The following PCDH15 variants were observed in gnomAD, a reference collection of about 807,000 sequenced individuals.
The protein encoded by PCDH15 is protocadherin related 15.
Under a neutral mutation model 178.5 loss-of-function variants are expected in PCDH15, and 129 were observed. The ratio of observed to expected loss-of-function variants is 0.72; its 90% CI spans 0.63 to 0.84. The LOEUF is 0.84. PCDH15 is among the 40% of genes least tolerant of loss of function. The probability of loss-of-function intolerance (pLI) is 0.00; values close to 1 mark genes in which losing one functional copy is unlikely to be tolerated. For missense variants in PCDH15, 2,230 were observed against 2,099.9 expected, an observed-to-expected ratio of 1.06 and a Z score of -1.21; for synonymous variants, 800 against 732.0, an observed-to-expected ratio of 1.09 and a Z score of -1.50.
intron 2 of PCDH15, among the ~76,000 whole-genome samples, chr10:54,906,918 A>G (rs1954732795): frequency 6.6e-6 from 1 of 152,166 alleles, no homozygotes; most frequent in Non-Finnish European, 1.5e-5. Context: ...TTACCCTAAT[A>G]ATTGCTGTCT....
At chr10:54,405,901 ATTG>A (rs1952607582) in intron 3 of PCDH15, among the ~76,000 whole-genome samples, 1 of 151,828 alleles carries the variant, frequency 6.6e-6, no homozygotes, top group Non-Finnish European at 1.5e-5. Context: ...GTATTAGTGT[ATTG>A]TTTCACAATT....
intron 1 of PCDH15, among the ~76,000 whole-genome samples, chr10:54,786,837 T>C (rs1192375908): frequency 6.6e-6 from 1 of 151,888 alleles, no homozygotes; most frequent in East Asian, 1.9e-4. Flanking sequence ...ATAATGAGAA[T>C]AAAATCAAAT....
chr10:54,895,018 A>C (rs1348636916), intron 3 of PCDH15, among the ~76,000 whole-genome samples: 1 of 152,228 alleles, frequency 6.6e-6, no homozygotes, highest in East Asian at 1.9e-4. Flanking sequence ...CTGACAGCAG[A>C]ATCAAGAATA....
chr10:53,828,960 A>AG (rs2076866729), intron 30 of PCDH15, among the ~76,000 whole-genome samples: 1 of 152,174 alleles, frequency 6.6e-6, no homozygotes, highest in Non-Finnish European at 1.5e-5. Context: ...GGAGAGAGGT[A>AG]GCAAGCCCTG....
At chr10:54,182,093 G>T (rs1053028561) in intron 13 of PCDH15, among the ~76,000 whole-genome samples, 1 of 152,090 alleles carries the variant, frequency 6.6e-6, no homozygotes, top group African/African-American at 2.4e-5. Flanking sequence ...GAGTAGCTGG[G>T]ACTACAGGCG....
chr10:54,016,942 C>T (rs991498845), intron 20 of PCDH15, among the ~76,000 whole-genome samples: 8 of 152,124 alleles, frequency 5.3e-5, no homozygotes, highest in African/African-American at 1.4e-4. Context: ...ATTACTCACC[C>T]GACCATTCCC....
At chr10:55,141,064 C>T (rs1438915164) in intron 2 of PCDH15, among the ~76,000 whole-genome samples, 2 of 151,914 alleles carry the variant, frequency 1.3e-5, no homozygotes, top group East Asian at 3.9e-4. Context: ...TCTGGGTTCA[C>T]CCACCTCCTT....
At chr10:54,701,959 A>C (rs886229786) in intron 1 of PCDH15, among the ~76,000 whole-genome samples, 1 of 152,064 alleles carries the variant, frequency 6.6e-6, no homozygotes, top group Non-Finnish European at 1.5e-5. Flanking sequence ...AATGGACCTA[A>C]CAGACATAGA....
chr10:55,362,685 G>A (rs1319694869), intron 2 of PCDH15, among the ~76,000 whole-genome samples: 2 of 151,878 alleles, frequency 1.3e-5, no homozygotes, highest in Non-Finnish European at 2.9e-5. Context: ...TGCATGTTTA[G>A]GTCTATGCGA....
intron 2 of PCDH15, among the ~76,000 whole-genome samples, chr10:55,040,075 TA>T (rs2131975847): frequency 6.6e-6 from 1 of 152,040 alleles, no homozygotes; most frequent in South Asian, 2.1e-4. Context: ...ATTATAAAAA[TA>T]TATTAAATAC....
intron 26 of PCDH15, among the ~76,000 whole-genome samples, chr10:53,897,919 T>G (rs10763024): frequency 0.64 from 95,373 of 149,154 alleles, 31,730 homozygotes; most frequent in East Asian, 0.87. Flanking sequence ...TTTTGTTTAT[T>G]CATTCATCTA....
intron 2 of PCDH15, among the ~76,000 whole-genome samples, chr10:55,462,838 A>G (rs1315191276): frequency 6.6e-6 from 1 of 152,172 alleles, no homozygotes; most frequent in African/African-American, 2.4e-5. Context: ...ACTAAATCCA[A>G]AATATTTTGA....
At chr10:54,833,891 G>A (rs879828725) in intron 3 of PCDH15, among the ~76,000 whole-genome samples, 11 of 151,938 alleles carry the variant, frequency 7.2e-5, no homozygotes, top group Admixed American at 6.6e-4. Flanking sequence ...TGGGTAGATC[G>A]GGTGTTTTGG....
intron 26 of PCDH15, among the ~76,000 whole-genome samples, chr10:53,902,616 T>C (rs2133655370): frequency 6.6e-6 from 1 of 152,254 alleles, no homozygotes; most frequent in Middle Eastern, 3.4e-3. Context: ...GAAATAGTCA[T>C]AAACATTTGA....
chr10:54,946,365 C>A (rs979534171), intron 2 of PCDH15, among the ~76,000 whole-genome samples: 1 of 151,750 alleles, frequency 6.6e-6, no homozygotes, highest in Non-Finnish European at 1.5e-5. Flanking sequence ...AGTCTCCTCA[C>A]GCCTTAACTG....
At chr10:55,558,065 C>T (rs907932545) in intron 2 of PCDH15, among the ~76,000 whole-genome samples, 1 of 152,040 alleles carries the variant, frequency 6.6e-6, no homozygotes, top group Non-Finnish European at 1.5e-5. Flanking sequence ...CATCTGCTAA[C>T]CTCTGTCATT....
rs1426715968 is a variant in PCDH15, at chr10:54,000,551, G to A, written c.2752-4786C>T. Among the ~76,000 whole-genome samples the A allele has an allele frequency of 2.6e-5, 4 of 152,048 alleles. No homozygotes were observed. The East Asian group carries it at 7.8e-4, about 30-fold the overall frequency. On this transcript the variant is annotated intron_variant, in intron 20 of 37. Coordinates refer to ENST00000644397, the MANE Select transcript of PCDH15 (RefSeq NM_001384140.1). ...AAATGCAACTGACACCCTGAAGAATGCATCAGTTTTTTAATAGCAGAATTG... is the reference window on the plus strand; with the variant it reads ...AAATGCAACTGACACCCTGAAGAATACATCAGTTTTTTAATAGCAGAATTG...
intron 32 of PCDH15, chr10:53,822,054 T>A (rs2076304504): frequency 1.2e-6 from 2 of 1,613,994 alleles, no homozygotes; most frequent in South Asian, 2.2e-5. Flanking sequence ...TTTTTCAAGT[T>A]CTGCTAAGTT....
At chr10:54,913,477 G>A (rs12249205) in intron 2 of PCDH15, among the ~76,000 whole-genome samples, 137,804 of 152,244 alleles carry the variant, frequency 0.91, 63,892 homozygotes, top group East Asian at 1. Flanking sequence ...GCAGAAGAAT[G>A]TGGAAGGGGC....
Sources: allele counts gnomAD v4.1 joint callset (sites outside exome capture counted in the v4.1 genomes callset), GRCh38; gene constraint gnomAD v4.1.1; transcripts MANE v1.5; gene names NCBI Gene and HGNC (gene_info 2026-07-23, HGNC 2026-07-21).